The following SLC9A3 variants were observed in gnomAD, a reference collection of about 807,000 sequenced individuals.
SLC9A3 encodes the protein solute carrier family 9 member A3, also known as sodium/hydrogen exchanger 3.
In SLC9A3, 37 loss-of-function variants were observed where a neutral mutation model predicts 86.8. That is an observed-to-expected ratio of 0.43 (90% CI 0.33 to 0.56). The LOEUF is 0.56. Among genes scored for constraint, SLC9A3 ranks in the 20% least tolerant of loss-of-function variants. The pLI, the probability that SLC9A3 is intolerant of heterozygous loss-of-function variation, is 0.06. For missense variants in SLC9A3, 1,011 were observed against 1,171.9 expected, an observed-to-expected ratio of 0.86 and a Z score of 2.00; for synonymous variants, 581 against 528.3, an observed-to-expected ratio of 1.10 and a Z score of -1.37.
At chr5:479,013 A>C (rs1475627137) in intron 10 of SLC9A3, 2 of 153,834 alleles carry the variant, frequency 1.3e-5, no homozygotes, top group Non-Finnish European at 2.9e-5. Flanking sequence ...TGGAGTTTCC[A>C]GGCCCCCACT....
chr5:482,454 G>T lies in SLC9A3; in HGVS notation c.1356+94C>A, dbSNP rs572319332. The T allele has an allele frequency of 2.8e-6, 3 of 1,068,976 alleles. No homozygotes were observed. In the East Asian group the frequency reaches 7.1e-5, roughly 25 times the overall value. 66.2% of individuals were successfully genotyped at this position (1,068,976 alleles called of 1,614,324 possible). A position where few individuals can be genotyped will look rare whatever the true frequency, so the allele number is the denominator to read the frequency against. ...ACTAAAATTATGAAACCCAATTAGGGTCTGGAGCCTGGAAATGCTTGTCCT... is the reference window on the plus strand; with the variant it reads ...ACTAAAATTATGAAACCCAATTAGGTTCTGGAGCCTGGAAATGCTTGTCCT... On this transcript the variant is annotated intron_variant, in intron 7 of 16. Coordinates refer to ENST00000264938, the MANE Select transcript of SLC9A3 (RefSeq NM_004174.4).
In SLC9A3 at chr5:472,837, T is replaced by C. The variant is rs748281145; in HGVS notation, c.*542A>G. 61 of 525,226 alleles carry C rather than the reference T, an allele frequency of 1.2e-4. No individual in the cohort carries two copies. The highest frequency in any genetic ancestry group is 1.2e-4 in the Non-Finnish European group (34 of 277,812). The allele number at this position is 525,226 out of a possible 1,614,324, so 32.5% of individuals were successfully genotyped here. A position where few individuals can be genotyped will look rare whatever the true frequency, so the allele number is the denominator to read the frequency against. ...TCAGTCCCCGGGCGCGGGGCTCGGT[T>C]GGGGGGGCCCGGAACCTTGGGCTGG... On this transcript the variant is annotated 3_prime_UTR_variant, in exon 17 of 17. Transcript: ENST00000264938.
intron 1 of SLC9A3, among the ~76,000 whole-genome samples, chr5:518,519 T>C (rs1015620687): frequency 3.9e-5 from 6 of 152,284 alleles, no homozygotes; most frequent in Admixed American, 3.9e-4. Context: ...GAGACTCTTG[T>C]CTCAAGGGTG....
Position 484,662 on chromosome 5 carries a change from C to T in SLC9A3, c.790G>A (p.Val264Met). The T allele has an allele frequency of 6.2e-7, 1 of 1,613,094 alleles. No individual in the cohort carries two copies. The highest frequency in any genetic ancestry group is 8.5e-7 in the Non-Finnish European group (1 of 1,179,964). ...FFVVSLGGTL[V>M]GVVFAFLLSL... ...AGCAGGAAGGCGAAGACCACCCCCACCAGCGTGCCCCCCAGGCTCACCACG... is the reference window on the plus strand; with the variant it reads ...AGCAGGAAGGCGAAGACCACCCCCATCAGCGTGCCCCCCAGGCTCACCACG... Residue 264 changes from valine to methionine, a missense_variant, in exon 5 of 17, where the codon GTG (valine) becomes ATG (methionine). Transcript: ENST00000264938.
chr5:476,629 C>T lies in SLC9A3; in HGVS notation c.1804G>A (p.Glu602Lys). ...TCCCGGATGCTCCGCCGTCGCTGCT[C>T]CAGAGACTGCATGTCCAGGCAGACA... ...SAVCLDMQSL[E>K]QRRRSIRDAE... Residue 602 changes from glutamate to lysine, a missense_variant, in exon 12 of 17, where the codon GAG becomes AAG. Around this residue, in one of 3 missense-constraint regions of SLC9A3, gnomAD observed 397 missense variants for 346.3 expected, o/e 1.15. Coordinates refer to ENST00000264938, the MANE Select transcript of SLC9A3 (RefSeq NM_004174.4). 6.2e-7 allele frequency: 1 copy of T among 1,608,946 alleles called. No individual in the cohort carries two copies. Among genetic ancestry groups the T allele is most frequent in the South Asian group, 1.1e-5 (1 of 91,084 alleles).
chr5:477,758 GAA>G (rs750654705), intron 10 of SLC9A3: 24 of 307,070 alleles, frequency 7.8e-5, no homozygotes, highest in Admixed American at 2.1e-4. Flanking sequence ...TGTGTCTGGG[GAA>G]AGTGTTGATA....
intron 1 of SLC9A3, among the ~76,000 whole-genome samples, chr5:515,783 T>TCA (rs1349232660): frequency 2.2e-4 from 1 of 4,584 alleles, no homozygotes; most frequent in East Asian, 5.6e-3. Context: ...CCCCTGCCCC[T>TCA]CACACACACA....
intron 1 of SLC9A3, among the ~76,000 whole-genome samples, chr5:509,457 A>AGGAG (rs1212789666): frequency 1.7e-5 from 2 of 115,662 alleles, no homozygotes; most frequent in Admixed American, 2.2e-4. Flanking sequence ...GAAGGAAGGA[A>AGGAG]GGAGGGAGGG....
At chr5:498,816 G>A (rs967171822) in intron 1 of SLC9A3, among the ~76,000 whole-genome samples, 2 of 152,252 alleles carry the variant, frequency 1.3e-5, no homozygotes, top group African/African-American at 4.8e-5. Context: ...CTCCTGGGGT[G>A]TGTCTCCCTG....
chr5:520,998 G>T (rs1387484953), intron 1 of SLC9A3, among the ~76,000 whole-genome samples: 1 of 152,220 alleles, frequency 6.6e-6, no homozygotes, highest in Non-Finnish European at 1.5e-5. Flanking sequence ...CTGCAGGCTG[G>T]GGGCCCCCAA....
rs2126654460 is a variant in SLC9A3 at position 514,819 on chromosome 5, G to A, written c.211+9293C>T. ...TGGACTTTGGCATGACAGCTCAGCA[G>A]GCGGTGAGCCTGCAGGTTCCCCGAT... On this transcript the variant is annotated intron_variant, in intron 1 of 16. Coordinates refer to ENST00000264938, the MANE Select transcript of SLC9A3 (RefSeq NM_004174.4). 1.3e-5 allele frequency among the ~76,000 whole-genome samples: 2 copies of A among 152,372 alleles called. 1 individual carries two copies. Among genetic ancestry groups the A allele is most frequent in the South Asian group, 4.1e-4 (2 of 4,830 alleles).
rs74708374 is a variant in SLC9A3, at chr5:513,247, G to A, written c.211+10865C>T. Among the ~76,000 whole-genome samples the A allele has an allele frequency of 9.8e-3, 1,500 of 152,290 alleles. 32 individuals carry two copies. Among genetic ancestry groups the A allele is most frequent in the African/African-American group, 0.034 (1,427 of 41,546 alleles). On this transcript the variant is annotated intron_variant, in intron 1 of 16. Transcript: ENST00000264938. ...TGGCACTGGTTACAGCCGGGATGTG[G>A]CATCCCCTTTGGAGTTTTGGATTGG...
intron 1 of SLC9A3, among the ~76,000 whole-genome samples, chr5:511,244 T>G (rs1018859042): frequency 6.6e-6 from 1 of 152,120 alleles, no homozygotes; most frequent in Non-Finnish European, 1.5e-5. Flanking sequence ...TTCTAGAAGA[T>G]AGCATGGAAG....
intron 1 of SLC9A3, among the ~76,000 whole-genome samples, chr5:516,938 G>T (rs1323337042): frequency 6.6e-6 from 1 of 152,204 alleles, no homozygotes; most frequent in East Asian, 1.9e-4. Context: ...CCTGGGCCCA[G>T]TGTCCAGATG....
chr5:486,287 C>T (rs554004090), intron 3 of SLC9A3, among the ~76,000 whole-genome samples: 11 of 152,272 alleles, frequency 7.2e-5, no homozygotes, highest in African/African-American at 2.2e-4. Context: ...GTGTCGGGGC[C>T]GGGCCCAGGG....
rs746091250 is a variant in SLC9A3 at position 476,045 on chromosome 5, C to T, written c.2115G>A (p.Ala705=). The T allele has an allele frequency of 1.7e-5, 28 of 1,612,920 alleles. No homozygotes were observed. The highest frequency in any genetic ancestry group is 3.3e-4 in the Middle Eastern group (2 of 6,084). ...CTTTCTCCTTGATGGTGAAATTCTG[C>T]GCAGGGCTCTCCATGGGCAGCTTCC... ...PNGKLPMESP[A]QNFTIKEKDL... is the part of the protein sequence containing the mutation. The change falls in exon 14 of 17, where the codon GCG becomes GCA. Residue 705 remains alanine, a synonymous_variant. Transcript: ENST00000264938.
chr5:524,172 G>A lies in SLC9A3; in HGVS notation c.151C>T (p.His51Tyr), dbSNP rs1348008469. 1 of 1,548,342 alleles carries A rather than the reference G, an allele frequency of 6.5e-7. No homozygotes were observed. Among genetic ancestry groups the A allele is most frequent in the Non-Finnish European group, 8.7e-7 (1 of 1,150,550 alleles). Reference protein sequence around the residue: ...GFQVVTFEWAHVQDPYVIALW... With the variant: ...GFQVVTFEWAYVQDPYVIALW... The stretch of plus-strand genomic sequence containing the variant: ...GCGATGACGTAGGGATCCTGCACGT[G>A]GGCCCACTCGAAGGTGACCACCTGG... The change falls in exon 1 of 17, where the codon CAC (histidine) becomes TAC (tyrosine). Residue 51 changes from histidine to tyrosine, a missense_variant. Transcript: ENST00000264938.
chr5:481,224 A>G (rs1027634845), intron 9 of SLC9A3, among the ~76,000 whole-genome samples: 4 of 152,274 alleles, frequency 2.6e-5, no homozygotes, highest in Non-Finnish European at 4.4e-5. Context: ...AACCCTGTTT[A>G]TGACGTGGAG....
At chr5:515,427 A>G (rs963961006) in intron 1 of SLC9A3, among the ~76,000 whole-genome samples, 2 of 151,906 alleles carry the variant, frequency 1.3e-5, no homozygotes, top group African/African-American at 4.8e-5. Context: ...AATTCTTCCT[A>G]GACTGACGAC....
Sources: gnomAD v4.1 joint callset for allele counts (sites outside exome capture counted in the v4.1 genomes callset) on GRCh38, gnomAD v4.1.1 for gene constraint, gnomAD v4.1.1 regional missense constraint, MANE v1.5 for transcripts, NCBI Gene and HGNC (gene_info 2026-07-23, HGNC 2026-07-21) for gene names.